PPP1R21: variants seen among roughly 807,000 people sequenced by gnomAD.
The protein encoded by PPP1R21 is KLRAQ motif containing 1.
Under a neutral mutation model 112.8 loss-of-function variants are expected in PPP1R21, and 85 were observed. The observed-to-expected ratio is 0.75, with a 90% CI of 0.63 to 0.90. PPP1R21 has a LOEUF of 0.90. Among genes scored for constraint, PPP1R21 ranks in the 40% least tolerant of loss-of-function variants. The pLI, the probability that PPP1R21 is intolerant of heterozygous loss-of-function variation, is 0.00. For synonymous variants in PPP1R21, 381 were observed against 322.3 expected, an observed-to-expected ratio of 1.18 and a Z score of -1.95; for missense variants, 1,199 against 901.5, an observed-to-expected ratio of 1.33 and a Z score of -4.23.
chr2:48,497,079 C>T lies in PPP1R21; in HGVS notation c.1692+1308C>T, dbSNP rs138273714. Among the ~76,000 whole-genome samples, 18 of 152,282 alleles carry T rather than the reference C, an allele frequency of 1.2e-4. No homozygotes were observed. The East Asian group carries it at 2.9e-3, about 24-fold the overall frequency. On this transcript the variant is annotated intron_variant, in intron 16 of 21. Coordinates refer to ENST00000294952, the MANE Select transcript of PPP1R21 (RefSeq NM_001135629.3). ...AGTCATGGGAACCTCAATTTAAAGC[C>T]GGTTAGTCACAAGTTCTCAAGGTCC... is the stretch of plus-strand genomic sequence containing the variant.
chr2:48,473,109 T>C (rs1668597823), intron 11 of PPP1R21, among the ~76,000 whole-genome samples: 1 of 151,072 alleles, frequency 6.6e-6, no homozygotes, highest in Admixed American at 6.6e-5. Flanking sequence ...ATTAAAAAAA[T>C]TAATATATAT....
intron 12 of PPP1R21, chr2:48,479,622 C>T: frequency 5.3e-6 from 3 of 567,776 alleles, no homozygotes; most frequent in Non-Finnish European, 1.0e-5. Flanking sequence ...TATATAATAA[C>T]AAGGTAAACA....
chr2:48,469,261 T>TGTGTGTGTGTG (rs1372669317), intron 9 of PPP1R21, among the ~76,000 whole-genome samples: 1 of 46,206 alleles, frequency 2.2e-5, no homozygotes, highest in Non-Finnish European at 4.6e-5. Flanking sequence ...TATATTTGAA[T>TGTGTGTGTGTG]TGTGTGTGTG....
At chr2:48,484,461 A>G (rs1423885107) in intron 13 of PPP1R21, among the ~76,000 whole-genome samples, 2 of 152,116 alleles carry the variant, frequency 1.3e-5, no homozygotes, top group African/African-American at 2.4e-5. Context: ...TTAAAATTTA[A>G]TGTCAAGAAA....
rs534308705 is a variant in PPP1R21 at position 48,453,760 on chromosome 2, A to G, written c.127-835A>G. Among the ~76,000 whole-genome samples, 19 of 152,346 alleles carry G rather than the reference A, an allele frequency of 1.2e-4. No individual in the cohort carries two copies. The East Asian group carries it at 3.7e-3, about 29-fold the overall frequency. ...TAGCTTTAAAGTGAATTATTGTAGG[A>G]CAGCATATGAAAATATTTTTGGTAT... On this transcript the variant is annotated intron_variant, in intron 2 of 21. Transcript: ENST00000294952.
intron 19 of PPP1R21, among the ~76,000 whole-genome samples, chr2:48,507,612 T>C (rs1670442210): frequency 6.6e-6 from 1 of 152,018 alleles, no homozygotes; most frequent in Admixed American, 6.6e-5. Flanking sequence ...CATGATCCGC[T>C]GGCCTCGACC....
chr2:48,444,375 G>T (rs1349166091), intron 1 of PPP1R21, among the ~76,000 whole-genome samples: 1 of 152,144 alleles, frequency 6.6e-6, no homozygotes, highest in Non-Finnish European at 1.5e-5. Context: ...AGTTAATCAA[G>T]ACCTCAGTTG....
intron 16 of PPP1R21, 75 bp from the exon 17 acceptor site, chr2:48,498,418 C>A: frequency 6.6e-7 from 1 of 1,504,940 alleles, no homozygotes; most frequent in Non-Finnish European, 9.1e-7. Flanking sequence ...GGTTTACATT[C>A]TGTAAGATAG....
chr2:48,452,806 A>G (rs1482572363), intron 2 of PPP1R21, among the ~76,000 whole-genome samples: 1 of 152,176 alleles, frequency 6.6e-6, no homozygotes, highest in Admixed American at 6.5e-5. Context: ...CTACAAGTAA[A>G]AATTAAGGTT....
At chr2:48,480,085 T>G in intron 13 of PPP1R21, 69 bp downstream of exon 13, 2 of 1,054,276 alleles carry the variant, frequency 1.9e-6, no homozygotes, top group Admixed American at 3.4e-5. Context: ...TGAATAAGAT[T>G]TAAACAAACA....
At chr2:48,464,722 G>GT (rs894138698) in intron 7 of PPP1R21, among the ~76,000 whole-genome samples, 7 of 151,778 alleles carry the variant, frequency 4.6e-5, no homozygotes, top group Non-Finnish European at 1.0e-4. Flanking sequence ...ATTTGTTTGG[G>GT]TTTTTTTTAA....
chr2:48,504,740 C>G (rs1217948787), intron 17 of PPP1R21, among the ~76,000 whole-genome samples: 1 of 152,194 alleles, frequency 6.6e-6, no homozygotes, highest in Non-Finnish European at 1.5e-5. Context: ...TCATTGTGCC[C>G]AAGCACATGC....
At chr2:48,450,884 C>T (rs1016002487) in intron 1 of PPP1R21, 124 bp from the exon 2 acceptor site, 19 of 689,126 alleles carry the variant, frequency 2.8e-5, no homozygotes, top group African/African-American at 1.6e-4. Flanking sequence ...CTTTTTTGTT[C>T]TCATATATAT....
chr2:48,461,066 A>G, intron 6 of PPP1R21, 72 bp from the exon 7 acceptor site: 1 of 1,516,788 alleles, frequency 6.6e-7, no homozygotes, highest in South Asian at 1.3e-5. Flanking sequence ...CCAGCTGTTG[A>G]GGTAACAAAT....
chr2:48,507,837 C>G (rs1260123613), intron 19 of PPP1R21, among the ~76,000 whole-genome samples: 2 of 122,064 alleles, frequency 1.6e-5, no homozygotes, highest in African/African-American at 3.2e-5. Context: ...ACGGTCTTGG[C>G]TCAGTACAAC....
At chr2:48,492,483 T>A (rs775020634) in intron 15 of PPP1R21, among the ~76,000 whole-genome samples, 1 of 152,256 alleles carries the variant, frequency 6.6e-6, no homozygotes, top group Non-Finnish European at 1.5e-5. Context: ...CATAGAATTC[T>A]ATAATATGGA....
At chr2:48,487,726 A>G (rs1038643446) in intron 14 of PPP1R21, among the ~76,000 whole-genome samples, 3 of 144,820 alleles carry the variant, frequency 2.1e-5, no homozygotes, top group Non-Finnish European at 4.5e-5. Flanking sequence ...GAGCCACTGC[A>G]CCCTATCCTG....
intron 6 of PPP1R21, 147 bp from the exon 7 acceptor site, chr2:48,460,991 C>T (rs1331225353): frequency 6.7e-6 from 9 of 1,335,528 alleles, no homozygotes; most frequent in Non-Finnish European, 8.7e-6. Context: ...TGTTATCTTC[C>T]TCTTTTAACA....
intron 14 of PPP1R21, among the ~76,000 whole-genome samples, chr2:48,489,070 T>C (rs1669439860): frequency 1.3e-5 from 2 of 152,172 alleles, no homozygotes; most frequent in Admixed American, 6.5e-5. Flanking sequence ...GTGAAAAATA[T>C]AACCTTTCAG....
Sources: gnomAD v4.1 joint callset for allele counts (sites outside exome capture counted in the v4.1 genomes callset) on GRCh38, gnomAD v4.1.1 for gene constraint, MANE v1.5 for transcripts, NCBI Gene and HGNC (gene_info 2026-07-23, HGNC 2026-07-21) for gene names.